Variants in USP13 observed in about 807,000 individuals in gnomAD.
The protein encoded by USP13 is ubiquitin carboxyl-terminal hydrolase 13.
In USP13, 68 loss-of-function variants were observed where a neutral mutation model predicts 107.8. That is an observed-to-expected ratio of 0.63 (90% CI 0.52 to 0.77). The LOEUF (loss-of-function observed/expected upper bound fraction) is 0.77, where lower values mean the gene tolerates loss of function less well. Ranked by LOEUF, USP13 falls within the 30% of genes least tolerant of loss-of-function variation. The pLI is 0.00. For missense variants in USP13, 945 were observed against 1,093.3 expected (o/e 0.86, Z 1.91); for synonymous variants, 377 against 389.5 (o/e 0.97, Z 0.38).
intron 8 of USP13, among the ~76,000 whole-genome samples, 186 bp from the exon 9 acceptor site, chr3:179,730,003 A>C (rs998082972): frequency 1.3e-5 from 2 of 152,242 alleles, no homozygotes; most frequent in African/African-American, 4.8e-5. Context: ...CCACTGATAG[A>C]AGCATAAACG....
intron 19 of USP13, among the ~76,000 whole-genome samples, chr3:179,778,906 G>A (rs1715644305): frequency 6.6e-6 from 1 of 152,174 alleles, no homozygotes; most frequent in Non-Finnish European, 1.5e-5. Context: ...GGAAGGTTCA[G>A]GAAGGCCTCT....
chr3:179,686,330 C>G (rs1711872602), intron 2 of USP13, among the ~76,000 whole-genome samples: 1 of 152,188 alleles, frequency 6.6e-6, no homozygotes, highest in Non-Finnish European at 1.5e-5. Flanking sequence ...ACCTGTCATC[C>G]CAGTGCTTTG....
At chr3:179,687,881 G>A (rs1282764443) in intron 2 of USP13, among the ~76,000 whole-genome samples, 1 of 151,884 alleles carries the variant, frequency 6.6e-6, no homozygotes, top group Non-Finnish European at 1.5e-5. Context: ...ATTATAAGGT[G>A]CTCATGATCT....
In USP13 at chr3:179,730,605, G is replaced by A; in HGVS notation, c.1161-11G>A. On this transcript the variant is annotated splice_polypyrimidine_tract_variant and intron_variant, in intron 9 of 20. Transcript: ENST00000263966. ...ATGACCTTTTTGTTTCTGTTTCTCT[G>A]TCCTGGCCAGGACTAAGTTAGGACA... The A allele has an allele frequency of 6.2e-7, 1 of 1,609,612 alleles. No individual in the cohort carries two copies. Among genetic ancestry groups the A allele is most frequent in the Non-Finnish European group, 8.5e-7 (1 of 1,176,848 alleles).
At chr3:179,663,924 C>T (rs141158167) in intron 1 of USP13, among the ~76,000 whole-genome samples, 1 of 152,340 alleles carries the variant, frequency 6.6e-6, no homozygotes, top group East Asian at 1.9e-4. Flanking sequence ...TTTGTGAGGA[C>T]TCCTCCCATC....
At chr3:179,759,682 A>AT (rs895840018) in intron 16 of USP13, among the ~76,000 whole-genome samples, 16 of 149,494 alleles carry the variant, frequency 1.1e-4, no homozygotes, top group South Asian at 4.2e-4. Context: ...TGGTAAATGC[A>AT]TTTTTTTTTT....
chr3:179,664,426 CT>C (rs1720532173), intron 1 of USP13, among the ~76,000 whole-genome samples: 1 of 152,144 alleles, frequency 6.6e-6, no homozygotes, highest in Non-Finnish European at 1.5e-5. Context: ...ATCTTATTAT[CT>C]GAAACATCAT....
At chr3:179,779,544 A>AC (rs1233643525) in intron 19 of USP13, among the ~76,000 whole-genome samples, 2 of 151,838 alleles carry the variant, frequency 1.3e-5, no homozygotes, top group African/African-American at 4.8e-5. Context: ...AACAACAACA[A>AC]AAAAAGAGAA....
intron 17 of USP13, 148 bp downstream of exon 17, chr3:179,761,403 T>C: frequency 9.0e-7 from 1 of 1,113,728 alleles, no homozygotes; most frequent in Non-Finnish European, 1.2e-6. Flanking sequence ...AAAGCCAGTC[T>C]TTTTCTTCTT....
chr3:179,721,348 C>T lies in USP13; in HGVS notation c.901-54C>T. The stretch of plus-strand genomic sequence containing the variant: ...GTTAGAAATAATTAACGGGACATGA[C>T]CTTTGAATGGGAATCACATTTAAAG... On this transcript the variant is annotated intron_variant, in intron 7 of 20. Transcript: ENST00000263966. This position sits in a 1 kb window ranked among gnomAD's most constrained non-coding sequence, Gnocchi z 4.3. 1.9e-6 allele frequency: 3 copies of T among 1,565,272 alleles called. No homozygotes were observed. The highest frequency in any genetic ancestry group is 2.6e-6 in the Non-Finnish European group (3 of 1,147,672).
In USP13 at chr3:179,740,302, A is replaced by T; in HGVS notation, c.1310A>T (p.His437Leu). 1 of 1,614,118 alleles carries T rather than the reference A, an allele frequency of 6.2e-7. No individual in the cohort carries two copies. ...RMFKAFVSKS[H>L]PEFSSNRQQD... ...TTTAAGGCCTTTGTAAGCAAGAGCCACCCGGAATTCTCCTCTAACAGGCAG... is the reference window on the plus strand; with the variant it reads ...TTTAAGGCCTTTGTAAGCAAGAGCCTCCCGGAATTCTCCTCTAACAGGCAG... The change falls in exon 11 of 21, where the codon CAC (histidine) becomes CTC (leucine). Residue 437 changes from histidine (H) to leucine (L), a missense_variant. Physicochemically the swap from His to Leu is moderately conservative, Grantham distance 99. Coordinates refer to ENST00000263966, the MANE Select transcript of USP13 (RefSeq NM_003940.3).
At chr3:179,748,814 C>T (rs765826538) in intron 13 of USP13, among the ~76,000 whole-genome samples, 4 of 152,118 alleles carry the variant, frequency 2.6e-5, no homozygotes, top group African/African-American at 4.8e-5. Context: ...GTTTGAATGC[C>T]CAGTCTAGAA....
At chr3:179,736,659 G>C (rs1714007057) in intron 10 of USP13, among the ~76,000 whole-genome samples, 1 of 152,206 alleles carries the variant, frequency 6.6e-6, no homozygotes, top group Non-Finnish European at 1.5e-5. Flanking sequence ...AGTTGGTTAA[G>C]GAAAACGAAG....
chr3:179,702,296 GGCGTGAGCCACC>G (rs1712561629), intron 4 of USP13, among the ~76,000 whole-genome samples: 1 of 152,208 alleles, frequency 6.6e-6, no homozygotes, highest in Admixed American at 6.5e-5. Flanking sequence ...TGGGATTATA[GGCGTGAGCCACC>G]GCGCCCGGCC....
intron 1 of USP13, among the ~76,000 whole-genome samples, chr3:179,675,426 TTAAA>T (rs1720866231): frequency 6.6e-6 from 1 of 152,050 alleles, no homozygotes. Flanking sequence ...TTGACATATA[TTAAA>T]TAGTTATCTT....
rs145234029 is a variant in USP13, at chr3:179,742,275, C to T, written c.1459C>T (p.Arg487Trp). 3.9e-5 allele frequency: 63 copies of T among 1,614,090 alleles called. No individual in the cohort carries two copies. The highest frequency in any genetic ancestry group is 4.6e-5 in the Non-Finnish European group (54 of 1,180,048). ...VEERIQCCQTRKVRYTERVDY... is the reference protein window; with the variant it reads ...VEERIQCCQTWKVRYTERVDY... ...AGAACGCATTCAGTGCTGTCAGACC[C>T]GGAAAGTCCGCTACACGGAGAGGGT... The change falls in exon 12 of 21, where the codon CGG becomes TGG. Residue 487 changes from arginine (R) to tryptophan (W), a missense_variant. Coordinates refer to ENST00000263966, the MANE Select transcript of USP13 (RefSeq NM_003940.3). This position sits in a 1 kb window ranked among gnomAD's most constrained non-coding sequence, Gnocchi z 5.0.
intron 6 of USP13, among the ~76,000 whole-genome samples, chr3:179,714,384 C>T (rs978408563): frequency 2.6e-5 from 4 of 152,228 alleles, no homozygotes; most frequent in African/African-American, 4.8e-5. Flanking sequence ...CGGACTACTT[C>T]ATGTTAGTTT....
Position 179,742,153 on chromosome 3 carries a change from T to G in USP13, c.1381-44T>G. On this transcript the variant is annotated intron_variant, in intron 11 of 20. Coordinates refer to ENST00000263966, the MANE Select transcript of USP13 (RefSeq NM_003940.3). The surrounding 1 kb of genome is among the most constrained non-coding windows in gnomAD (Gnocchi z 5.0). Reference sequence around the variant, plus strand: ...TCATTTTCTACTAAGTCTTAGTGGCTCAATATTCATACATTTACTAACCTG... The same window carrying G: ...TCATTTTCTACTAAGTCTTAGTGGCGCAATATTCATACATTTACTAACCTG... The G allele has an allele frequency of 6.2e-7, 1 of 1,612,012 alleles. No homozygotes were observed. Among genetic ancestry groups the G allele is most frequent in the Non-Finnish European group, 8.5e-7 (1 of 1,178,312 alleles).
At chr3:179,718,453 G>T (rs1459906651) in intron 6 of USP13, among the ~76,000 whole-genome samples, 1 of 151,992 alleles carries the variant, frequency 6.6e-6, no homozygotes, top group Non-Finnish European at 1.5e-5. Context: ...CATGTACCTC[G>T]CTGGTGTCCT....
Sources: gnomAD v4.1 joint callset for allele counts (sites outside exome capture counted in the v4.1 genomes callset) on GRCh38, gnomAD v4.1.1 for gene constraint, Gnocchi (gnomAD v3.1) non-coding constraint, MANE v1.5 for transcripts, NCBI Gene and HGNC (gene_info 2026-07-23, HGNC 2026-07-21) for gene names.